GATAD2A: variants seen among roughly 807,000 people sequenced by gnomAD.
GATAD2A encodes GATA zinc finger domain containing 2A, also known as transcriptional repressor p66-alpha.
A neutral mutation model predicts 68.5 loss-of-function variants in GATAD2A; 12 were observed. The ratio of observed to expected loss-of-function variants is 0.18; its 90% CI spans 0.11 to 0.28. The LOEUF is 0.28. Ranked by LOEUF, GATAD2A falls within the 10% of genes least tolerant of loss-of-function variation. GATAD2A has a pLI of 1.00. For synonymous variants in GATAD2A, 410 were observed against 375.3 expected, an observed-to-expected ratio of 1.09 and a Z score of -1.07; for missense variants, 755 against 868.5, an observed-to-expected ratio of 0.87 and a Z score of 1.64.
Position 19,502,379 on chromosome 19 carries a change from C to G in GATAD2A, c.1627C>G (p.Leu543Val). ...RGSATTPRGV[L>V]HTFSPSPKLQ... is the part of the protein sequence containing the mutation. Reference sequence around the variant, plus strand: ...TTCGGCCACGACGCCCCGAGGTGTCCTGCACACGTTCAGTCCGTCACCCAA... The same window carrying G: ...TTCGGCCACGACGCCCCGAGGTGTCGTGCACACGTTCAGTCCGTCACCCAA... The change falls in exon 11 of 12, where the codon CTG becomes GTG. Residue 543 changes from leucine (L) to valine (V), a missense_variant. Physicochemically the swap from Leu to Val is conservative, Grantham distance 32 (BLOSUM62 1). Transcript: ENST00000683918. The G allele has an allele frequency of 6.2e-7, 1 of 1,613,664 alleles. No homozygotes were observed. Among genetic ancestry groups the G allele is most frequent in the Non-Finnish European group, 8.5e-7 (1 of 1,179,912 alleles).
intron 1 of GATAD2A, chr19:19,436,224 G>A: frequency 7.4e-7 from 1 of 1,348,676 alleles, no homozygotes; most frequent in Middle Eastern, 2.1e-4. Context: ...AGCCAGGTGA[G>A]TGCTTGGGGT....
At position 19,412,738 on chromosome 19, in the gene GATAD2A, C is replaced by A. The variant is rs573636472; in HGVS notation, c.-7+6719C>A. 3.9e-5 allele frequency among the ~76,000 whole-genome samples: 6 copies of A among 152,286 alleles called. No homozygotes were observed. The East Asian group carries it at 1.2e-3, about 29-fold the overall frequency. On this transcript the variant is annotated intron_variant, in intron 1 of 11. Transcript: ENST00000683918. Reference sequence around the variant, plus strand: ...AACTTAACATTTTCTCCAGTCACAGCCATTCTGTGCAATTAACCTTTGAGT... The same window carrying A: ...AACTTAACATTTTCTCCAGTCACAGACATTCTGTGCAATTAACCTTTGAGT...
At chr19:19,495,642 A>AG in intron 5 of GATAD2A, 112 bp from the exon 6 acceptor site, 1 of 993,672 alleles carries the variant, frequency 1.0e-6, no homozygotes. Flanking sequence ...CTTAAAAAAA[A>AG]AAAAAAAAAA....
intron 1 of GATAD2A, among the ~76,000 whole-genome samples, chr19:19,437,818 A>G (rs535372691): frequency 6.6e-6 from 1 of 152,260 alleles, no homozygotes; most frequent in East Asian, 1.9e-4. Flanking sequence ...TTATCCATTC[A>G]TTCATTGATG....
intron 1 of GATAD2A, among the ~76,000 whole-genome samples, chr19:19,417,602 G>T (rs2147210451): frequency 6.6e-6 from 1 of 152,274 alleles, no homozygotes; most frequent in South Asian, 2.1e-4. Context: ...AGCACAGGTT[G>T]CTGTGGTTAT....
intron 2 of GATAD2A, among the ~76,000 whole-genome samples, chr19:19,470,205 C>T (rs1457745149): frequency 7.1e-6 from 1 of 141,818 alleles, no homozygotes; most frequent in Non-Finnish European, 1.5e-5. Flanking sequence ...GGCTGGAGTG[C>T]AGTGGCACGA....
chr19:19,403,841 G>A (rs1433101158), upstream of GATAD2A, among the ~76,000 whole-genome samples: 2 of 152,202 alleles, frequency 1.3e-5, no homozygotes, highest in African/African-American at 4.8e-5. Context: ...AACCTGGATG[G>A]TTGCCCTAAA....
At chr19:19,471,169 T>C (rs1315186829) in intron 2 of GATAD2A, among the ~76,000 whole-genome samples, 1 of 151,256 alleles carries the variant, frequency 6.6e-6, no homozygotes, top group Non-Finnish European at 1.5e-5. Context: ...GGAGGGAGAA[T>C]TGTTTGAACC....
chr19:19,454,306 T>A (rs2056710818), intron 1 of GATAD2A, among the ~76,000 whole-genome samples: 2 of 151,014 alleles, frequency 1.3e-5, no homozygotes, highest in South Asian at 4.2e-4. Flanking sequence ...TAAAAAATTT[T>A]TATCAGAAGG....
chr19:19,393,833 A>C (rs1171791289), intron 1 of GATAD2A, among the ~76,000 whole-genome samples: 1 of 151,682 alleles, frequency 6.6e-6, no homozygotes, highest in Non-Finnish European at 1.5e-5. Flanking sequence ...GTAATCTTGG[A>C]GAAACGAGAG....
intron 10 of GATAD2A, 55 bp from the exon 11 acceptor site, chr19:19,502,275 TC>T: frequency 7.4e-7 from 1 of 1,358,068 alleles, no homozygotes; most frequent in South Asian, 1.3e-5. Context: ...GCTGAGTGTC[TC>T]GCCTGCTGCT....
chr19:19,495,922 C>T, intron 6 of GATAD2A, 37 bp downstream of exon 6: 1 of 1,600,080 alleles, frequency 6.2e-7, no homozygotes. Flanking sequence ...GACCTGGCAG[C>T]CTCAGCAGTC....
chr19:19,492,601 A>G lies in GATAD2A; in HGVS notation c.423A>G (p.Arg141=), dbSNP rs1224658637. The G allele has an allele frequency of 2.5e-6, 4 of 1,614,218 alleles. No homozygotes were observed. The highest frequency in any genetic ancestry group is 1.6e-4 in the Middle Eastern group (1 of 6,062). ...TGCAGAAAAGCAGTCCTGAAGAACG[A>G]GAAAGGATGATCAAGCAGCTGAAGG... ...EALMKSSPEE[R]ERMIKQLKEE... Residue 141 remains arginine, a synonymous_variant, in exon 4 of 12, where the codon CGA becomes CGG. Transcript: ENST00000683918.
intron 1 of GATAD2A, among the ~76,000 whole-genome samples, chr19:19,410,636 A>G (rs998190257): frequency 4.6e-5 from 7 of 152,314 alleles, no homozygotes; most frequent in African/African-American, 9.6e-5. Context: ...ATACTGCTGC[A>G]TTATGGTGGC....
intron 1 of GATAD2A, among the ~76,000 whole-genome samples, chr19:19,456,058 G>T (rs2147891020): frequency 6.6e-6 from 1 of 151,746 alleles, no homozygotes; most frequent in Middle Eastern, 3.4e-3. Context: ...GGAGGCTGAG[G>T]CAGGAGAATG....
intron 2 of GATAD2A, among the ~76,000 whole-genome samples, chr19:19,472,920 G>A (rs561405893): frequency 6.6e-6 from 1 of 152,334 alleles, no homozygotes; most frequent in African/African-American, 2.4e-5. Context: ...AATCAAGACA[G>A]GATCTGATTT....
chr19:19,402,763 T>TTG (rs755103386), upstream of GATAD2A, among the ~76,000 whole-genome samples: 22,371 of 147,232 alleles, frequency 0.15, 1,963 homozygotes, highest in South Asian at 0.27. Context: ...TTTTTTTTGT[T>TTG]TTTGTTTTTT....
intron 1 of GATAD2A, among the ~76,000 whole-genome samples, chr19:19,459,491 A>T (rs985771095): frequency 1.3e-5 from 2 of 152,088 alleles, no homozygotes; most frequent in African/African-American, 4.8e-5. Flanking sequence ...ACTGAGGCTC[A>T]GCTCAAGCAT....
chr19:19,416,954 G>T (rs1044220271), intron 1 of GATAD2A, among the ~76,000 whole-genome samples: 3 of 151,998 alleles, frequency 2.0e-5, no homozygotes, highest in Non-Finnish European at 2.9e-5. Flanking sequence ...TAGAGACAGG[G>T]TTTCACCATG....
Sources: gnomAD v4.1 joint callset for allele counts (sites outside exome capture counted in the v4.1 genomes callset) on GRCh38, gnomAD v4.1.1 for gene constraint, MANE v1.5 for transcripts, NCBI Gene and HGNC (gene_info 2026-07-23, HGNC 2026-07-21) for gene names.